The following SLC4A4 variants were observed in gnomAD, a reference collection of about 807,000 sequenced individuals.
SLC4A4 encodes electrogenic sodium bicarbonate cotransporter 1.
A neutral mutation model predicts 111.5 loss-of-function variants in SLC4A4; 27 were observed. The ratio of observed to expected loss-of-function variants is 0.24; its 90% CI spans 0.18 to 0.33. SLC4A4 has a LOEUF of 0.33. Among genes scored for constraint, SLC4A4 ranks in the 10% least tolerant of loss-of-function variants. The pLI, the probability that SLC4A4 is intolerant of heterozygous loss-of-function variation, is 1.00. For synonymous variants in SLC4A4, 443 were observed against 463.4 expected, an observed-to-expected ratio of 0.96 and a Z score of 0.57; for missense variants, 909 against 1,315.5, an observed-to-expected ratio of 0.69 and a Z score of 4.78.
At chr4:71,133,114 A>T (rs924760331) in intron 2 of SLC4A4, among the ~76,000 whole-genome samples, 3 of 152,120 alleles carry the variant, frequency 2.0e-5, no homozygotes, top group Admixed American at 6.5e-5. Flanking sequence ...TTTTTATTGT[A>T]ATTTGGAAAT....
intron 1 of SLC4A4, among the ~76,000 whole-genome samples, chr4:71,191,556 A>C (rs1745733174): frequency 6.6e-6 from 1 of 152,250 alleles, no homozygotes; most frequent in Non-Finnish European, 1.5e-5. Context: ...ACAGCAGAAG[A>C]TACTAAAGCA....
At chr4:71,542,651 A>G (rs1735166406) in intron 18 of SLC4A4, among the ~76,000 whole-genome samples, 2 of 151,950 alleles carry the variant, frequency 1.3e-5, no homozygotes, top group South Asian at 4.2e-4. Context: ...TTAGAACTCA[A>G]CCTAAATACT....
chr4:71,343,452 C>A (rs1264509857), intron 4 of SLC4A4, among the ~76,000 whole-genome samples: 1 of 152,140 alleles, frequency 6.6e-6, no homozygotes, highest in African/African-American at 2.4e-5. Flanking sequence ...TAATAGGATT[C>A]TCAAAATTGA....
At position 71,517,161 on chromosome 4, in the gene SLC4A4, T is replaced by G. The variant is rs566325299; in HGVS notation, c.2167-14901T>G. Among the ~76,000 whole-genome samples the G allele has an allele frequency of 5.9e-5, 9 of 152,304 alleles. No homozygotes were observed. In the East Asian group the frequency reaches 1.7e-3, roughly 29 times the overall value. ...CCTAGATTTGAAATATTTTCTGCTA[T>G]TATTTCTTTAAATAAACTTCCTACC... is the stretch of plus-strand genomic sequence containing the variant. On this transcript the variant is annotated intron_variant, in intron 16 of 25. Transcript: ENST00000264485.
At chr4:71,303,048 C>T (rs775311601) in intron 3 of SLC4A4, among the ~76,000 whole-genome samples, 5 of 152,160 alleles carry the variant, frequency 3.3e-5, no homozygotes, top group Non-Finnish European at 7.3e-5. Context: ...AAAAATCAGG[C>T]TGTGCCAGTC....
intron 3 of SLC4A4, chr4:71,300,526 GC>G: frequency 4.0e-6 from 1 of 247,950 alleles, no homozygotes. Flanking sequence ...GGGGCCACTA[GC>G]GGCATGCAGA....
chr4:71,364,572 T>C (rs1731076955), intron 6 of SLC4A4, among the ~76,000 whole-genome samples: 1 of 152,176 alleles, frequency 6.6e-6, no homozygotes, highest in African/African-American at 2.4e-5. Flanking sequence ...CTATGGATCC[T>C]CGCAAGGTGG....
chr4:71,556,641 A>T (rs1736497343), intron 21 of SLC4A4, among the ~76,000 whole-genome samples: 1 of 151,800 alleles, frequency 6.6e-6, no homozygotes, highest in Non-Finnish European at 1.5e-5. Flanking sequence ...TTCTTTCTCG[A>T]TTCTCCCTTG....
intron 16 of SLC4A4, among the ~76,000 whole-genome samples, chr4:71,507,959 A>C (rs1731568099): frequency 6.6e-6 from 1 of 152,194 alleles, no homozygotes; most frequent in Non-Finnish European, 1.5e-5. Flanking sequence ...AAAACATGGA[A>C]ATTGAACAAC....
chr4:71,281,300 AT>A (rs1188344824), intron 3 of SLC4A4, among the ~76,000 whole-genome samples: 1 of 152,210 alleles, frequency 6.6e-6, no homozygotes, highest in Non-Finnish European at 1.5e-5. Flanking sequence ...CCAACTTTGT[AT>A]TTAATACAAT....
intron 2 of SLC4A4, among the ~76,000 whole-genome samples, chr4:71,093,115 G>C (rs969934643): frequency 2.1e-5 from 3 of 145,806 alleles, no homozygotes; most frequent in African/African-American, 7.8e-5. Flanking sequence ...ATAAAATAAA[G>C]TCATATATGG....
chr4:71,193,851 C>T (rs1321066830), intron 1 of SLC4A4, among the ~76,000 whole-genome samples: 4 of 152,252 alleles, frequency 2.6e-5, no homozygotes, highest in African/African-American at 9.6e-5. Flanking sequence ...CTCAGCTAAC[C>T]AGGCAAACTC....
intron 24 of SLC4A4, 129 bp downstream of exon 24, chr4:71,564,018 C>T: frequency 4.4e-6 from 3 of 684,046 alleles, no homozygotes; most frequent in South Asian, 3.3e-5. Context: ...AGAAGATTTA[C>T]ACTTAATTAT....
At chr4:71,565,151 C>T (rs950326268) in intron 24 of SLC4A4, among the ~76,000 whole-genome samples, 22 of 151,840 alleles carry the variant, frequency 1.4e-4, no homozygotes, top group Non-Finnish European at 1.9e-4. Flanking sequence ...ACTTGGGGTA[C>T]GCCCTATGTA....
At chr4:71,175,747 TG>T (rs199650805) in intron 2 of SLC4A4, among the ~76,000 whole-genome samples, 10 of 152,244 alleles carry the variant, frequency 6.6e-5, no homozygotes, top group African/African-American at 2.4e-4. Flanking sequence ...ACTCCACCTC[TG>T]GGGGCAGGGC....
At chr4:71,203,012 G>A (rs1381174979) in intron 1 of SLC4A4, among the ~76,000 whole-genome samples, 3 of 152,038 alleles carry the variant, frequency 2.0e-5, no homozygotes, top group African/African-American at 7.2e-5. Context: ...TTGAGACTAA[G>A]AATATATAAC....
intron 16 of SLC4A4, among the ~76,000 whole-genome samples, chr4:71,531,216 C>T (rs1733885683): frequency 6.6e-6 from 1 of 152,106 alleles, no homozygotes; most frequent in Non-Finnish European, 1.5e-5. Context: ...GGTATATGCT[C>T]CCCTTACCAA....
At chr4:71,494,127 C>T (rs1730189154) in intron 15 of SLC4A4, among the ~76,000 whole-genome samples, 1 of 151,998 alleles carries the variant, frequency 6.6e-6, no homozygotes, top group African/African-American at 2.4e-5. Flanking sequence ...CTTGACATCT[C>T]TCCTAGATCT....
At chr4:71,459,850 T>G (rs896336023) in intron 12 of SLC4A4, among the ~76,000 whole-genome samples, 12 of 152,072 alleles carry the variant, frequency 7.9e-5, no homozygotes, top group African/African-American at 2.9e-4. Context: ...CATATTCTCA[T>G]TTTTTGTCGT....
Sources: gnomAD v4.1 joint callset for allele counts (sites outside exome capture counted in the v4.1 genomes callset) on GRCh38, gnomAD v4.1.1 for gene constraint, MANE v1.5 for transcripts, NCBI Gene and HGNC (gene_info 2026-07-23, HGNC 2026-07-21) for gene names.